The following SAMMSON variants were observed in gnomAD, a reference collection of about 807,000 sequenced individuals.
The protein encoded by SAMMSON is survival associated mitochondrial melanoma specific oncogenic non-coding RNA.
chr3:70,411,038 G>A (rs912363467), intron 2 of SAMMSON, among the ~76,000 whole-genome samples: 2 of 152,048 alleles, frequency 1.3e-5, no homozygotes, highest in Non-Finnish European at 2.9e-5. Context: ...TAGCACAACC[G>A]ACCATCCTTT....
intron 4 of SAMMSON, among the ~76,000 whole-genome samples, chr3:70,132,040 C>G (rs1348484042): frequency 6.6e-6 from 1 of 152,118 alleles, no homozygotes; most frequent in Non-Finnish European, 1.5e-5. Context: ...ACCTTAAAAA[C>G]TGAGTTCTTA....
intron 6 of SAMMSON, among the ~76,000 whole-genome samples, chr3:70,250,411 TCACACACACACA>T (rs61355248): frequency 0.25 from 31,397 of 124,804 alleles, 3,823 homozygotes; most frequent in Non-Finnish European, 0.33. Flanking sequence ...TTAATGAATC[TCACACACACACA>T]CACACACACA....
At chr3:70,319,672 C>T (rs886987945) in intron 7 of SAMMSON, among the ~76,000 whole-genome samples, 30 of 151,912 alleles carry the variant, frequency 2.0e-4, no homozygotes, top group African/African-American at 7.2e-4. Flanking sequence ...GTACCAAAGA[C>T]TTGAGATTCC....
Position 70,398,930 on chromosome 3 carries a change from A to G in SAMMSON, n.233+40606A>G, listed in dbSNP as rs73837916. Among the ~76,000 whole-genome samples the G allele has an allele frequency of 4.2e-3, 643 of 152,198 alleles. 4 individuals carry two copies. Among genetic ancestry groups the G allele is most frequent in the African/African-American group, 0.015 (605 of 41,446 alleles). On this transcript the variant is annotated intron_variant and non_coding_transcript_variant, in intron 2 of 3. Transcript: ENST00000641053. Reference sequence around the variant, plus strand: ...TCATATATGCAAGTTAATAGACTGAAAAAATGGACTTGGGCTAATGAGAAG... The same window carrying G: ...TCATATATGCAAGTTAATAGACTGAGAAAATGGACTTGGGCTAATGAGAAG...
rs548639234 is a variant in SAMMSON, at chr3:70,367,740, C to T, written n.913+9416C>T. On this transcript the variant is annotated intron_variant and non_coding_transcript_variant, in intron 9 of 9. Transcript: ENST00000642114. ...GATTTCCTTTCTTTTGGATATATAC[C>T]TTGTAGTGAGATTGCTGGCTTACAA... Among the ~76,000 whole-genome samples the T allele has an allele frequency of 1.8e-3, 279 of 151,174 alleles. 1 individual carries two copies. The highest frequency in any genetic ancestry group is 3.0e-3 in the Non-Finnish European group (201 of 67,512).
chr3:70,311,754 A>G, intron 7 of SAMMSON: 1 of 385,372 alleles, frequency 2.6e-6, no homozygotes, highest in Non-Finnish European at 4.6e-6. Context: ...AAAAAAAAAG[A>G]AAAGAGTGAA....
Position 70,182,988 on chromosome 3 carries a change from A to C in SAMMSON, n.508-66119A>C, listed in dbSNP as rs147533690. 5.9e-3 allele frequency among the ~76,000 whole-genome samples: 899 copies of C among 152,310 alleles called. 23 individuals carry two copies. In the East Asian group the frequency reaches 0.061, roughly 10 times the overall value. ...AGTTAACGCTGAAATCTGAGCATTA[A>C]AAAGTCTTTCTTACTCTGACAGTTT... On this transcript the variant is annotated intron_variant and non_coding_transcript_variant, in intron 4 of 9. Transcript: ENST00000642114.
At chr3:70,164,331 C>G (rs1240395078) in intron 4 of SAMMSON, among the ~76,000 whole-genome samples, 2 of 151,866 alleles carry the variant, frequency 1.3e-5, no homozygotes, top group African/African-American at 4.8e-5. Context: ...TGTATAGAAC[C>G]CCTAGCACAA....
At chr3:70,176,033 A>C (rs1442193248) in intron 4 of SAMMSON, among the ~76,000 whole-genome samples, 1 of 152,182 alleles carries the variant, frequency 6.6e-6, no homozygotes, top group African/African-American at 2.4e-5. Flanking sequence ...TACCCATGAT[A>C]TCTCCATGCC....
chr3:70,197,416 A>G (rs1222794386), intron 4 of SAMMSON, among the ~76,000 whole-genome samples: 1 of 152,170 alleles, frequency 6.6e-6, no homozygotes, highest in African/African-American at 2.4e-5. Context: ...GATTCGACAT[A>G]ATCTGGTTAT....
At position 70,272,582 on chromosome 3, in the gene SAMMSON, C is replaced by T. The variant is rs112087137; in HGVS notation, n.675-18597C>T. On this transcript the variant is annotated intron_variant and non_coding_transcript_variant, in intron 6 of 9. Transcript: ENST00000642114. ...ATAAACATTCCCGTACAGGTCTTTA[C>T]GTGGACATATGTTTTTATTTCTCTT... Among the ~76,000 whole-genome samples, 58 of 152,264 alleles carry T rather than the reference C, an allele frequency of 3.8e-4. 1 individual carries two copies. Among genetic ancestry groups the T allele is most frequent in the African/African-American group, 1.3e-3 (55 of 41,542 alleles).
intron 4 of SAMMSON, among the ~76,000 whole-genome samples, chr3:70,243,092 C>G (rs1369224605): frequency 6.6e-6 from 1 of 152,118 alleles, no homozygotes; most frequent in Non-Finnish European, 1.5e-5. Context: ...TCTGTTTTAT[C>G]TTTCTCCTGC....
At chr3:70,192,062 A>G (rs963623941) in intron 4 of SAMMSON, among the ~76,000 whole-genome samples, 3 of 152,146 alleles carry the variant, frequency 2.0e-5, no homozygotes, top group African/African-American at 7.2e-5. Context: ...TCCACCCCTA[A>G]CTATATACTA....
At chr3:70,116,250 TTAA>T (rs1324316534) in intron 4 of SAMMSON, among the ~76,000 whole-genome samples, 2 of 151,326 alleles carry the variant, frequency 1.3e-5, no homozygotes, top group Non-Finnish European at 2.9e-5. Flanking sequence ...AATGACTAAG[TTAA>T]TGACTTGTTT....
At chr3:70,250,757 T>A (rs962170128) in intron 6 of SAMMSON, among the ~76,000 whole-genome samples, 23 of 152,182 alleles carry the variant, frequency 1.5e-4, no homozygotes, top group African/African-American at 5.5e-4. Context: ...AATTTGGGAC[T>A]AAGAAAATAT....
intron 4 of SAMMSON, among the ~76,000 whole-genome samples, chr3:70,162,591 A>C (rs1365308005): frequency 2.6e-5 from 4 of 151,914 alleles, no homozygotes; most frequent in Admixed American, 2.6e-4. Flanking sequence ...GTGCACTTGA[A>C]GTAAATATGT....
intron 6 of SAMMSON, among the ~76,000 whole-genome samples, chr3:70,289,893 C>T (rs1470401800): frequency 6.6e-6 from 1 of 151,932 alleles, no homozygotes; most frequent in Non-Finnish European, 1.5e-5. Flanking sequence ...GTTCTCGAGC[C>T]TTGGTTTTCA....
At chr3:70,092,156 T>A (rs1342776638) in intron 4 of SAMMSON, among the ~76,000 whole-genome samples, 2 of 152,162 alleles carry the variant, frequency 1.3e-5, no homozygotes. Context: ...TGCGAAGTGA[T>A]ACTTGCTTTG....
chr3:70,065,601 G>T (rs1199248315), intron 3 of SAMMSON, among the ~76,000 whole-genome samples: 1 of 152,060 alleles, frequency 6.6e-6, no homozygotes. Context: ...TCTACTGCAA[G>T]AGTTCTCCCT....
Sources: allele counts gnomAD v4.1 joint callset (sites outside exome capture counted in the v4.1 genomes callset), GRCh38; gene constraint gnomAD v4.1.1; transcripts MANE v1.5; gene names NCBI Gene and HGNC (gene_info 2026-07-23, HGNC 2026-07-21).